Variants in PKHD1 observed in about 807,000 individuals in gnomAD.
PKHD1 encodes fibrocystin.
PKHD1 carries 291 observed loss-of-function variants against 412.0 expected under a neutral mutation model. The ratio of observed to expected loss-of-function variants is 0.71; its 90% CI spans 0.64 to 0.78. The LOEUF is 0.78. Among genes scored for constraint, PKHD1 ranks in the 30% least tolerant of loss-of-function variants. The pLI, the probability that PKHD1 is intolerant of heterozygous loss-of-function variation, is 0.00. For synonymous variants in PKHD1, 1,777 were observed against 1,821.5 expected (o/e 0.98, Z 0.62); for missense variants, 4,825 against 4,950.7 (o/e 0.97, Z 0.76).
intron 52 of PKHD1, among the ~76,000 whole-genome samples, chr6:51,807,473 ATATATATGTATATGTGTG>A (rs1763987811): frequency 8.4e-6 from 1 of 118,790 alleles, no homozygotes; most frequent in African/African-American, 3.6e-5. Flanking sequence ...ATATATATAT[ATATATATGTATATGTGTG>A]TGTGTGTGTG....
Position 51,804,368 on chromosome 6 carries a change from G to T in PKHD1, c.8303-12995C>A, listed in dbSNP as rs200346902. On this transcript the variant is annotated intron_variant, in intron 52 of 66. Coordinates refer to ENST00000371117, the MANE Select transcript of PKHD1 (RefSeq NM_138694.4). ...AGAAATACTAATTCATTGGGGGGGG[G>T]GGGGGCGGTAACAGGAGAAATTAAG... Among the ~76,000 whole-genome samples the T allele has an allele frequency of 1.8e-5, 2 of 110,526 alleles. 1 individual carries two copies. Among genetic ancestry groups the T allele is most frequent in the African/African-American group, 6.8e-5 (2 of 29,502 alleles). The allele number at this position is 110,526 out of a possible 152,430, so 72.5% of individuals were successfully genotyped here.
intron 60 of PKHD1, among the ~76,000 whole-genome samples, chr6:51,669,114 T>A (rs377429285): frequency 1.3e-5 from 2 of 151,962 alleles, no homozygotes; most frequent in Non-Finnish European, 2.9e-5. Context: ...TAGTTTCAGA[T>A]GGAATGGTAC....
intron 52 of PKHD1, among the ~76,000 whole-genome samples, chr6:51,794,900 C>CATGCTGTTTGGTT (rs1483399769): frequency 3.9e-5 from 6 of 152,210 alleles, no homozygotes; most frequent in South Asian, 4.1e-4. Context: ...GTACCAGTAC[C>CATGCTGTTTGGTT]ATGCTGTTTG....
chr6:52,006,540 C>T (rs1251215741), intron 35 of PKHD1, among the ~76,000 whole-genome samples: 4 of 152,028 alleles, frequency 2.6e-5, no homozygotes, highest in Non-Finnish European at 4.4e-5. Context: ...CCATGCTCGG[C>T]TCATTTTTGT....
At chr6:51,941,655 T>G (rs1370455279) in intron 36 of PKHD1, among the ~76,000 whole-genome samples, 1 of 151,716 alleles carries the variant, frequency 6.6e-6, no homozygotes, top group African/African-American at 2.4e-5. Flanking sequence ...GATCTGTGCC[T>G]TATCAACCAA....
At chr6:51,968,048 C>T (rs1292931268) in intron 35 of PKHD1, among the ~76,000 whole-genome samples, 3 of 151,990 alleles carry the variant, frequency 2.0e-5, no homozygotes, top group Admixed American at 1.3e-4. Context: ...CCTGTCTTTA[C>T]ACCTGAAGGG....
At position 52,043,086 on chromosome 6, in the gene PKHD1, C is replaced by G. The variant is rs760955627; in HGVS notation, c.2870G>C (p.Gly957Ala). 6.2e-7 allele frequency: 1 copy of G among 1,613,256 alleles called. No homozygotes were observed. The highest frequency in any genetic ancestry group is 8.5e-7 in the Non-Finnish European group (1 of 1,179,272). Residue 957 changes from glycine (G) to alanine (A), a missense_variant, in exon 27 of 67, where the codon GGT becomes GCT. By Grantham distance (60) the Gly-to-Ala change is moderately conservative. Transcript: ENST00000371117. The stretch of plus-strand genomic sequence containing the variant: ...TGTAACCTGCAAGAACTGGGAGTCA[C>G]CAGAGAAACCAGTTCCGGTAATGTA... ...MIYITGTGFSGDSQFLQVTVN... is the reference protein window; with the variant it reads ...MIYITGTGFSADSQFLQVTVN...
chr6:51,952,524 AT>A (rs1356818136), intron 36 of PKHD1, among the ~76,000 whole-genome samples: 1 of 152,174 alleles, frequency 6.6e-6, no homozygotes, highest in Non-Finnish European at 1.5e-5. Context: ...CTAGACCTTT[AT>A]AAGCCTCCAA....
intron 35 of PKHD1, among the ~76,000 whole-genome samples, chr6:51,966,752 T>C (rs939342022): frequency 6.6e-6 from 1 of 152,142 alleles, no homozygotes; most frequent in African/African-American, 2.4e-5. Flanking sequence ...ATGGAGCTTA[T>C]ATTTTAGGGA....
chr6:51,844,543 G>A (rs1770824591), intron 50 of PKHD1, among the ~76,000 whole-genome samples: 1 of 152,212 alleles, frequency 6.6e-6, no homozygotes, highest in Non-Finnish European at 1.5e-5. Context: ...GCACACTCTA[G>A]TGGAGAGAGC....
intron 37 of PKHD1, among the ~76,000 whole-genome samples, chr6:51,933,466 C>A (rs996819118): frequency 6.6e-6 from 1 of 152,194 alleles, no homozygotes; most frequent in Non-Finnish European, 1.5e-5. Context: ...GGATACCAGG[C>A]TACTGCATGT....
intron 50 of PKHD1, among the ~76,000 whole-genome samples, chr6:51,839,195 G>A (rs1769751100): frequency 6.6e-6 from 1 of 152,188 alleles, no homozygotes; most frequent in African/African-American, 2.4e-5. Flanking sequence ...TACAAAGAGG[G>A]ATGAAAATCA....
At chr6:51,958,738 C>G (rs2127940110) in intron 36 of PKHD1, among the ~76,000 whole-genome samples, 1 of 152,036 alleles carries the variant, frequency 6.6e-6, no homozygotes, top group African/African-American at 2.4e-5. Context: ...GGCTTTAGGT[C>G]TGTAATTTTC....
Position 51,627,140 on chromosome 6 carries a change from G to A in PKHD1, c.11666-24C>T, listed in dbSNP as rs1308788442. 3.7e-6 allele frequency: 6 copies of A among 1,601,114 alleles called. No individual in the cohort carries two copies. The Admixed American group carries it at 6.7e-5, about 18-fold the overall frequency. ...TTCTGTATTAATGGAGAAGAAAAAGGATTTTTTTGTTCAGTTGTAAGTGGG... is the reference window on the plus strand; with the variant it reads ...TTCTGTATTAATGGAGAAGAAAAAGAATTTTTTTGTTCAGTTGTAAGTGGG... On this transcript the variant is annotated intron_variant, in intron 65 of 66. Coordinates refer to ENST00000371117, the MANE Select transcript of PKHD1 (RefSeq NM_138694.4).
At chr6:51,639,420 T>C (rs1769048070) in intron 63 of PKHD1, among the ~76,000 whole-genome samples, 1 of 152,076 alleles carries the variant, frequency 6.6e-6, no homozygotes, top group Non-Finnish European at 1.5e-5. Context: ...GTGGTCAGTT[T>C]CTACAGTCTG....
At chr6:51,836,614 CT>C in intron 50 of PKHD1, 145 bp from the exon 51 acceptor site, 1 of 672,058 alleles carries the variant, frequency 1.5e-6, no homozygotes. Context: ...GTTAGTTAAT[CT>C]AACAATTGAT....
rs794727037 is a variant in PKHD1 at position 52,069,470 on chromosome 6, G to T, written c.765C>A (p.Tyr255Ter). The T allele has an allele frequency of 6.2e-7, 1 of 1,611,584 alleles. No individual in the cohort carries two copies. Among genetic ancestry groups the T allele is most frequent in the Non-Finnish European group, 8.5e-7 (1 of 1,177,712 alleles). The change falls in exon 11 of 67, where the codon TAC becomes TAA. Residue 255 changes from tyrosine (Y) to a stop codon, truncating the protein, a stop_gained. Transcript: ENST00000371117. LOFTEE classifies it high-confidence loss of function. ...GGGGGATAGTACCTGAGTGTGTCTG[G>T]TATAGGAAAAGATCCTGTTTAGCAC... ...LISAKQDLFL[Y>*]QTHSEILSVF...
At chr6:51,627,669 C>CTTCACT (rs1435752725) in intron 65 of PKHD1, among the ~76,000 whole-genome samples, 1 of 152,098 alleles carries the variant, frequency 6.6e-6, no homozygotes, top group Non-Finnish European at 1.5e-5. Context: ...ATTCAAGCAT[C>CTTCACT]TTCACCCAGC....
chr6:51,879,034 A>C (rs1188120612), intron 46 of PKHD1, among the ~76,000 whole-genome samples: 1 of 89,974 alleles, frequency 1.1e-5, no homozygotes, highest in Non-Finnish European at 2.0e-5. Context: ...AGAGAATAAA[A>C]TACCTAGGAA....
Sources: gnomAD v4.1 joint callset for allele counts (sites outside exome capture counted in the v4.1 genomes callset) on GRCh38, gnomAD v4.1.1 for gene constraint, MANE v1.5 for transcripts, NCBI Gene and HGNC (gene_info 2026-07-23, HGNC 2026-07-21) for gene names.